ROBO2: variants seen among roughly 807,000 people sequenced by gnomAD.
The protein encoded by ROBO2 is roundabout guidance receptor 2.
In ROBO2, 53 loss-of-function variants were observed where a neutral mutation model predicts 160.8. The ratio of observed to expected loss-of-function variants is 0.33; its 90% confidence interval spans 0.26 to 0.41. ROBO2 has a LOEUF of 0.41. Among genes scored for constraint, ROBO2 ranks in the 10% least tolerant of loss-of-function variants. ROBO2 has a pLI of 1.00. For missense variants in ROBO2, 1,577 were observed against 1,722.4 expected (o/e 0.92, Z 1.49); for synonymous variants, 664 against 611.7 (o/e 1.09, Z -1.26).
chr3:76,543,554 C>T (rs920538038), intron 2 of ROBO2, among the ~76,000 whole-genome samples: 3 of 152,020 alleles, frequency 2.0e-5, no homozygotes, highest in African/African-American at 7.2e-5. Context: ...AGACAAACAG[C>T]CTGTATTTCA....
chr3:77,559,515 G>A (rs7637738), intron 9 of ROBO2, among the ~76,000 whole-genome samples: 85,015 of 151,878 alleles, frequency 0.56, 23,869 homozygotes, highest in Middle Eastern at 0.68. Flanking sequence ...GGAGAAATCT[G>A]TAGAATCTTG....
At chr3:76,188,756 G>A (rs1293965034) in intron 2 of ROBO2, among the ~76,000 whole-genome samples, 2 of 152,088 alleles carry the variant, frequency 1.3e-5, no homozygotes, top group Non-Finnish European at 2.9e-5. Context: ...TTTGGTGATA[G>A]TGGTTTCCTT....
intron 2 of ROBO2, among the ~76,000 whole-genome samples, chr3:76,590,044 T>C (rs1190169959): frequency 6.6e-6 from 1 of 152,150 alleles, no homozygotes; most frequent in African/African-American, 2.4e-5. Flanking sequence ...CACATGTGTA[T>C]AGAAAATACG....
At chr3:77,171,036 G>C (rs753624350) in intron 2 of ROBO2, among the ~76,000 whole-genome samples, 1 of 152,234 alleles carries the variant, frequency 6.6e-6, no homozygotes, top group African/African-American at 2.4e-5. Context: ...GGGATGTGCC[G>C]GTGAGACTGG....
chr3:76,771,964 G>C (rs2061933211), intron 2 of ROBO2, among the ~76,000 whole-genome samples: 1 of 151,002 alleles, frequency 6.6e-6, no homozygotes, highest in African/African-American at 2.4e-5. Flanking sequence ...AAATATTGAA[G>C]GTACAAATAT....
chr3:77,220,571 A>G (rs2085652536), intron 2 of ROBO2, among the ~76,000 whole-genome samples: 1 of 152,088 alleles, frequency 6.6e-6, no homozygotes, highest in Non-Finnish European at 1.5e-5. Flanking sequence ...CCTTGTGGAA[A>G]TTATAAATGA....
chr3:76,469,060 T>G (rs1344874113), intron 2 of ROBO2, among the ~76,000 whole-genome samples: 1 of 152,130 alleles, frequency 6.6e-6, no homozygotes, highest in Non-Finnish European at 1.5e-5. Context: ...GCAGTCATTT[T>G]TTTTACTTCT....
intron 2 of ROBO2, among the ~76,000 whole-genome samples, chr3:77,202,141 A>G (rs17015082): frequency 0.027 from 4,115 of 152,280 alleles, 244 homozygotes; most frequent in East Asian, 0.27. Flanking sequence ...AGAGTCAAGA[A>G]TAGTATCAAC....
rs574953914 is a variant in ROBO2, at chr3:77,641,598, TA to T, written c.3935-3105del. On this transcript the variant is annotated intron_variant, in intron 24 of 25. Coordinates refer to ENST00000461745, the Ensembl canonical transcript of ROBO2. ...CTATTAATGAAATAAATGTATATTT[TA>T]TATGATATTTGGTCTTTATGAAAAA... Among the ~76,000 whole-genome samples, 51 of 152,340 alleles carry T rather than the reference TA, an allele frequency of 3.3e-4. 1 individual carries two copies. Among genetic ancestry groups the T allele is most frequent in the Middle Eastern group, 3.4e-3 (1 of 294 alleles).
chr3:76,953,977 T>C (rs1197549325), intron 2 of ROBO2, among the ~76,000 whole-genome samples: 1 of 152,234 alleles, frequency 6.6e-6, no homozygotes, highest in African/African-American at 2.4e-5. Flanking sequence ...GCCTTAACCT[T>C]GACTGTCTTT....
At chr3:75,989,830 G>A (rs999650991) in intron 2 of ROBO2, among the ~76,000 whole-genome samples, 7 of 152,334 alleles carry the variant, frequency 4.6e-5, no homozygotes, top group East Asian at 1.9e-4. Flanking sequence ...CTAAGGATGC[G>A]TAACACACAT....
intron 2 of ROBO2, among the ~76,000 whole-genome samples, chr3:77,439,013 C>A (rs565406026): frequency 7.9e-5 from 12 of 151,852 alleles, no homozygotes; most frequent in African/African-American, 2.9e-4. Flanking sequence ...AAGGGAAAGT[C>A]AAAATAATAA....
At chr3:76,070,501 A>G (rs890857773) in intron 2 of ROBO2, among the ~76,000 whole-genome samples, 7 of 152,152 alleles carry the variant, frequency 4.6e-5, no homozygotes, top group South Asian at 2.1e-4. Flanking sequence ...ATCAATGACA[A>G]TGGTGCCCGA....
chr3:76,987,230 G>T (rs576413022), intron 2 of ROBO2, among the ~76,000 whole-genome samples: 2 of 152,300 alleles, frequency 1.3e-5, no homozygotes, highest in East Asian at 1.9e-4. Flanking sequence ...TTGGGGTTTA[G>T]CTAGATAATA....
At chr3:76,446,459 T>C (rs973500889) in intron 2 of ROBO2, among the ~76,000 whole-genome samples, 6 of 152,160 alleles carry the variant, frequency 3.9e-5, no homozygotes, top group African/African-American at 1.4e-4. Flanking sequence ...GAAATGGCCA[T>C]ACTGCCCAAG....
intron 2 of ROBO2, among the ~76,000 whole-genome samples, chr3:76,757,763 A>G (rs1315482030): frequency 6.6e-6 from 1 of 151,836 alleles, no homozygotes; most frequent in Non-Finnish European, 1.5e-5. Flanking sequence ...ATACTCCTCC[A>G]GAGAGATTGA....
chr3:76,107,612 T>G (rs2070004047), intron 2 of ROBO2, among the ~76,000 whole-genome samples: 1 of 152,066 alleles, frequency 6.6e-6, no homozygotes, highest in Admixed American at 6.6e-5. Context: ...GAGTTTGAGT[T>G]GTGTTGGAAA....
chr3:76,210,522 A>T (rs1257168773), intron 2 of ROBO2, among the ~76,000 whole-genome samples: 1 of 152,096 alleles, frequency 6.6e-6, no homozygotes, highest in Non-Finnish European at 1.5e-5. Context: ...AGTGTAAAAA[A>T]ATTTGTTCTC....
chr3:76,397,536 C>A (rs1257955959), intron 2 of ROBO2, among the ~76,000 whole-genome samples: 6 of 151,434 alleles, frequency 4.0e-5, no homozygotes, highest in Non-Finnish European at 7.4e-5. Flanking sequence ...AGTGAACAGG[C>A]AACCTACAAA....
Sources: gnomAD v4.1 joint callset for allele counts (sites outside exome capture counted in the v4.1 genomes callset) on GRCh38, gnomAD v4.1.1 for gene constraint, MANE v1.5 for transcripts, NCBI Gene and HGNC (gene_info 2026-07-23, HGNC 2026-07-21) for gene names.